CDR2L: variants seen among roughly 807,000 people sequenced by gnomAD.
CDR2L encodes the protein cerebellar degeneration-related protein 2-like.
CDR2L carries 19 observed loss-of-function variants against 36.1 expected under a neutral mutation model. The ratio of observed to expected loss-of-function variants is 0.53; its 90% CI spans 0.37 to 0.77. The LOEUF (loss-of-function observed/expected upper bound fraction) is 0.77. Among genes scored for constraint, CDR2L ranks in the 30% least tolerant of loss-of-function variants. CDR2L has a pLI of 0.00. For synonymous variants in CDR2L, 285 were observed against 280.4 expected (o/e 1.02, Z -0.16); for missense variants, 575 against 627.2 (o/e 0.92, Z 0.89).
Position 75,003,502 on chromosome 17 carries a change from C to T in CDR2L, c.826C>T (p.Leu276Phe), listed in dbSNP as rs1393538300. The T allele has an allele frequency of 6.5e-7, 1 of 1,545,030 alleles. No individual in the cohort carries two copies. Among genetic ancestry groups the T allele is most frequent in the Non-Finnish European group, 8.7e-7 (1 of 1,144,062 alleles). The change falls in exon 5 of 5, where the codon CTC becomes TTC. Residue 276 changes from leucine to phenylalanine, a missense_variant. Coordinates refer to ENST00000337231, the MANE Select transcript of CDR2L (RefSeq NM_014603.3). Reference sequence around the variant, plus strand: ...GGACGACCACCTGGCCGAGGCCCTGCTCGCACCCCTCACGCAGGCCCCTGA... The same window carrying T: ...GGACGACCACCTGGCCGAGGCCCTGTTCGCACCCCTCACGCAGGCCCCTGA... Reference protein sequence around the residue: ...GPDDHLAEALLAPLTQAPEAD... With the variant: ...GPDDHLAEALFAPLTQAPEAD...
At chr17:74,997,839 C>G (rs1326280779) in intron 1 of CDR2L, among the ~76,000 whole-genome samples, 2 of 151,008 alleles carry the variant, frequency 1.3e-5, no homozygotes, top group East Asian at 3.9e-4. Context: ...GTGAGACCCC[C>G]TCTCTACTAA....
rs1310156711 is a variant in CDR2L at position 75,002,954 on chromosome 17, GA to G, written c.507-227del. 2.0e-5 allele frequency among the ~76,000 whole-genome samples: 3 copies of G among 152,228 alleles called. No individual in the cohort carries two copies. Among genetic ancestry groups the G allele is most frequent in the African/African-American group, 4.8e-5 (2 of 41,460 alleles). On this transcript the variant is annotated intron_variant, in intron 4 of 4. Coordinates refer to ENST00000337231, the MANE Select transcript of CDR2L (RefSeq NM_014603.3). This position sits in a 1 kb window ranked among gnomAD's most constrained non-coding sequence, Gnocchi z 4.1. ...CCTCTCATGGGCCAAGCTCAGGAGA[GA>G]ACCAGGCAACCTGACAGAGGCGGTC... is the stretch of plus-strand genomic sequence containing the variant.
At position 75,003,476 on chromosome 17, in the gene CDR2L, C is replaced by A; in HGVS notation, c.800C>A (p.Pro267Gln). 1 of 1,567,442 alleles carries A rather than the reference C, an allele frequency of 6.4e-7. No homozygotes were observed. Residue 267 changes from proline to glutamine, a missense_variant, in exon 5 of 5, where the codon CCG becomes CAG. Physicochemically the swap from Pro to Gln is moderately conservative, Grantham distance 76. Transcript: ENST00000337231. ...MKQAKTYLLG[P>Q]DDHLAEALLA... Reference sequence around the variant, plus strand: ...CAGGCCAAGACCTACCTACTGGGTCCGGACGACCACCTGGCCGAGGCCCTG... The same window carrying A: ...CAGGCCAAGACCTACCTACTGGGTCAGGACGACCACCTGGCCGAGGCCCTG...
chr17:74,997,422 C>G (rs567026691), intron 1 of CDR2L, among the ~76,000 whole-genome samples: 1 of 152,130 alleles, frequency 6.6e-6, no homozygotes, highest in Non-Finnish European at 1.5e-5. Context: ...GTCCATTTGC[C>G]TGAGCCTCCC....
chr17:74,994,959 C>T (rs2039816463), intron 1 of CDR2L, among the ~76,000 whole-genome samples: 2 of 151,794 alleles, frequency 1.3e-5, no homozygotes, highest in Non-Finnish European at 2.9e-5. Context: ...GTCCCAGCTA[C>T]TCGGGAGGGT....
At chr17:74,997,405 G>T (rs553411592) in intron 1 of CDR2L, among the ~76,000 whole-genome samples, 2 of 152,012 alleles carry the variant, frequency 1.3e-5, no homozygotes, top group African/African-American at 4.8e-5. Context: ...AGTCCAACTC[G>T]AAAGCTGTCC....
rs2144871895 is a variant in CDR2L at position 75,004,911 on chromosome 17, A to C, written c.*837A>C. The C allele has an allele frequency of 6.5e-6, 1 of 152,968 alleles. No homozygotes were observed. Among genetic ancestry groups the C allele is most frequent in the East Asian group, 1.9e-4 (1 of 5,180 alleles). The allele number at this position is 152,968 out of a possible 1,614,324, so 9.5% of individuals were successfully genotyped here. A position where few individuals can be genotyped will look rare whatever the true frequency, so the allele number is the denominator to read the frequency against. ...GGAGCCCCCATCCCTTCACACCGCC[A>C]CCAACTAACCAAGCTTGGCCTCTGA... On this transcript the variant is annotated 3_prime_UTR_variant, in exon 5 of 5. Transcript: ENST00000337231.
At position 74,996,431 on chromosome 17, in the gene CDR2L, G is replaced by A. The variant is rs2039826081; in HGVS notation, c.80-3073G>A. Among the ~76,000 whole-genome samples, 5 of 117,734 alleles carry A rather than the reference G, an allele frequency of 4.2e-5. No homozygotes were observed. The South Asian group carries it at 1.1e-3, about 26-fold the overall frequency. 77.2% of individuals were successfully genotyped at this position (117,734 alleles called of 152,430 possible). On this transcript the variant is annotated intron_variant, in intron 1 of 4. Transcript: ENST00000337231. Reference sequence around the variant, plus strand: ...TGCTCTCCAGCCTGGGAGACAAAGCGAGACTCCGTCTCAAAAAAAAAAAAA... The same window carrying A: ...TGCTCTCCAGCCTGGGAGACAAAGCAAGACTCCGTCTCAAAAAAAAAAAAA...
At position 74,999,628 on chromosome 17, in the gene CDR2L, G is replaced by A. The variant is rs1427868691; in HGVS notation, c.192+12G>A. 7 of 1,494,438 alleles carry A rather than the reference G, an allele frequency of 4.7e-6. No individual in the cohort carries two copies. The highest frequency in any genetic ancestry group is 2.8e-5 in the African/African-American group (2 of 71,962). The allele number at this position is 1,494,438 out of a possible 1,614,324, so 92.6% of individuals were successfully genotyped here. A position where few individuals can be genotyped will look rare whatever the true frequency, so the allele number is the denominator to read the frequency against. On this transcript the variant is annotated intron_variant, in intron 2 of 4. Transcript: ENST00000337231. ...TGCAGGAGATCGAGGTGAGGGCCCT[G>A]CATGTGCTTGCCCACACCCCTCGAG...
rs2144867873 is a variant in CDR2L, at chr17:75,002,317, A to ATCCAGGCCATCAGAGAGACTGG, written c.506+93_506+114dup. On this transcript the variant is annotated intron_variant, in intron 4 of 4. Transcript: ENST00000337231. This position sits in a 1 kb window ranked among gnomAD's most constrained non-coding sequence, Gnocchi z 4.1. The stretch of plus-strand genomic sequence containing the variant: ...GGCAGCAGGGTGCAGTTGGTGCATC[A>ATCCAGGCCATCAGAGAGACTGG]TCCAGGCCATCAGAGAGACTGGTCC... 2 of 1,178,474 alleles carry ATCCAGGCCATCAGAGAGACTGG rather than the reference A, an allele frequency of 1.7e-6. No homozygotes were observed. Among genetic ancestry groups the ATCCAGGCCATCAGAGAGACTGG allele is most frequent in the East Asian group, 5.2e-5 (2 of 38,312 alleles). 73.0% of individuals were successfully genotyped at this position (1,178,474 alleles called of 1,614,324 possible). A position where few individuals can be genotyped will look rare whatever the true frequency, so the allele number is the denominator to read the frequency against.
At chr17:74,994,930 G>A (rs2039816267) in intron 1 of CDR2L, among the ~76,000 whole-genome samples, 1 of 152,052 alleles carries the variant, frequency 6.6e-6, no homozygotes, top group Non-Finnish European at 1.5e-5. Flanking sequence ...TTAGCTGGGC[G>A]TGGTAGCACG....
rs761841230 is a variant in CDR2L at position 75,002,167 on chromosome 17, C to T, written c.445C>T (p.Arg149Trp). ...ACAGCTGCGAGTGCTCCGGGAGAAG[C>T]GGGAACGCAGGCGTACCATCCACAC... ...LEQLRVLREK[R>W]ERRRTIHTFP... Residue 149 changes from arginine (R) to tryptophan (W), a missense_variant, in exon 4 of 5, where the codon CGG becomes TGG. Physicochemically the swap from Arg to Trp is moderately radical, Grantham distance 101. Coordinates refer to ENST00000337231, the MANE Select transcript of CDR2L (RefSeq NM_014603.3). The surrounding 1 kb of genome is among the most constrained non-coding windows in gnomAD (Gnocchi z 4.1). 5 of 1,608,230 alleles carry T rather than the reference C, an allele frequency of 3.1e-6. No individual in the cohort carries two copies. The highest frequency in any genetic ancestry group is 4.2e-6 in the Non-Finnish European group (5 of 1,177,666).
chr17:74,988,228 G>C, intron 1 of CDR2L, 106 bp downstream of exon 1: 2 of 754,078 alleles, frequency 2.7e-6, no homozygotes, highest in Non-Finnish European at 4.0e-6. Flanking sequence ...GGGCTGGACC[G>C]GGCGCGCCCG....
chr17:75,001,901 C>A (rs2039869202), intron 3 of CDR2L, among the ~76,000 whole-genome samples, 163 bp from the exon 4 acceptor site: 2 of 152,172 alleles, frequency 1.3e-5, no homozygotes, highest in South Asian at 4.1e-4. Context: ...GGTCCTTGGG[C>A]ATGCATAGAA....
At position 75,001,455 on chromosome 17, in the gene CDR2L, C is replaced by T; in HGVS notation, c.307C>T (p.Leu103=). ...GGAGCTGACCAACCACAGGCTGGTG[C>T]TGGAGAGTAAGGCTGCCCAGCAGAA... ...DLELTNHRLV[L]ESKAAQQKIH... is the part of the protein sequence containing the mutation. Residue 103 remains leucine (L), a synonymous_variant, in exon 3 of 5, where the codon CTG becomes TTG. Transcript: ENST00000337231. The T allele has an allele frequency of 6.3e-7, 1 of 1,595,178 alleles. No individual in the cohort carries two copies. The highest frequency in any genetic ancestry group is 8.5e-7 in the Non-Finnish European group (1 of 1,172,178).
At position 75,003,592 on chromosome 17, in the gene CDR2L, G is replaced by A; in HGVS notation, c.916G>A (p.Ala306Thr). The change falls in exon 5 of 5, where the codon GCA becomes ACA. Residue 306 changes from alanine to threonine, a missense_variant. Coordinates refer to ENST00000337231, the MANE Select transcript of CDR2L (RefSeq NM_014603.3). ...LGAQDGVSSP[A>T]ASPGHVVRKS... is the part of the protein sequence containing the mutation. ...CGCCCAGGACGGGGTCTCCTCACCG[G>A]CAGCCTCTCCAGGCCACGTGGTGCG... 3.3e-6 allele frequency: 5 copies of A among 1,501,962 alleles called. No individual in the cohort carries two copies. The African/African-American group carries it at 5.6e-5, about 17-fold the overall frequency. 93.0% of individuals were successfully genotyped at this position (1,501,962 alleles called of 1,614,324 possible). A position where few individuals can be genotyped will look rare whatever the true frequency, so the allele number is the denominator to read the frequency against.
rs1172366355 is a variant in CDR2L, at chr17:75,003,374, A to T, written c.698A>T (p.Gln233Leu). The T allele has an allele frequency of 6.4e-7, 1 of 1,560,386 alleles. No individual in the cohort carries two copies. Among genetic ancestry groups the T allele is most frequent in the East Asian group, 2.4e-5 (1 of 41,542 alleles). ...CAGGAGTACTCGGAGCTGGAGCGCC[A>T]GCTGTGCGAGATGGAGGCCTGTCGC... ...VLQEYSELER[Q>L]LCEMEACRLR... is the part of the protein sequence containing the mutation. The change falls in exon 5 of 5, where the codon CAG becomes CTG. Residue 233 changes from glutamine to leucine, a missense_variant. Transcript: ENST00000337231.
At position 74,989,145 on chromosome 17, in the gene CDR2L, C is replaced by G. The variant is rs1441727106; in HGVS notation, c.79+1023C>G. Among the ~76,000 whole-genome samples, 59 of 152,176 alleles carry G rather than the reference C, an allele frequency of 3.9e-4. No individual in the cohort carries two copies. The highest frequency in any genetic ancestry group is 3.9e-3 in the Admixed American group (59 of 15,286). The stretch of plus-strand genomic sequence containing the variant: ...TGGCCTGCTGTGGTGTGCCCACACC[C>G]TGGTCTCCATCCACAAGGCTCCAGA... On this transcript the variant is annotated intron_variant, in intron 1 of 4. Coordinates refer to ENST00000337231, the MANE Select transcript of CDR2L (RefSeq NM_014603.3). The surrounding 1 kb of genome is among the most constrained non-coding windows in gnomAD (Gnocchi z 4.2).
chr17:75,000,636 C>T (rs1460941546), intron 2 of CDR2L, among the ~76,000 whole-genome samples: 3 of 148,520 alleles, frequency 2.0e-5, no homozygotes, highest in Admixed American at 6.7e-5. Context: ...AAAAAAAGGC[C>T]GGGCACAGTG....
Sources: allele counts gnomAD v4.1 joint callset (sites outside exome capture counted in the v4.1 genomes callset), GRCh38; gene constraint gnomAD v4.1.1; non-coding constraint Gnocchi (gnomAD v3.1); transcripts MANE v1.5; gene names NCBI Gene and HGNC (gene_info 2026-07-23, HGNC 2026-07-21).